Variants in MRE11 observed in about 807,000 individuals in gnomAD.
MRE11 encodes the protein MRE11 double strand break repair nuclease.
A neutral mutation model predicts 91.7 loss-of-function variants in MRE11; 62 were observed. The observed-to-expected ratio is 0.68, with a 90% confidence interval of 0.55 to 0.84. The LOEUF is 0.84. Ranked by LOEUF, MRE11 falls within the 40% of genes least tolerant of loss-of-function variation. MRE11 has a pLI of 0.00. For missense variants in MRE11, 796 were observed against 852.9 expected, an observed-to-expected ratio of 0.93 and a Z score of 0.83; for synonymous variants, 273 against 271.4, an observed-to-expected ratio of 1.01 and a Z score of -0.06.
chr11:94,420,288 G>A, intron 19 of MRE11, 107 bp from the exon 20 acceptor site: 1 of 810,694 alleles, frequency 1.2e-6, no homozygotes, highest in Non-Finnish European at 2.0e-6. Context: ...TTTCACATGG[G>A]ATAGACTTTA....
rs574083847 is a variant in MRE11 at position 94,486,680 on chromosome 11, C to T, written c.154-596G>A. ...ACTCTGGGGTGCACTAGAATGGACA[C>T]GTAAGCAACCAGCAGCAGAGATGAC... On this transcript the variant is annotated intron_variant, in intron 3 of 19. Transcript: ENST00000323929. Among the ~76,000 whole-genome samples the T allele has an allele frequency of 4.7e-4, 72 of 152,240 alleles. 2 individuals are homozygous for T. In the South Asian group the frequency reaches 0.014, roughly 30 times the overall value.
At chr11:94,484,941 G>A (rs1161934916) in intron 4 of MRE11, among the ~76,000 whole-genome samples, 1 of 152,238 alleles carries the variant, frequency 6.6e-6, no homozygotes, top group East Asian at 1.9e-4. Flanking sequence ...GCCAGAAGCG[G>A]TAGCTTGCGT....
chr11:94,474,893 A>T (rs1365162198), intron 7 of MRE11, among the ~76,000 whole-genome samples: 2 of 152,166 alleles, frequency 1.3e-5, no homozygotes, highest in Non-Finnish European at 2.9e-5. Flanking sequence ...AAAAAATGGT[A>T]GACCTGGGAA....
At chr11:94,443,621 T>A (rs1945844866) in intron 16 of MRE11, among the ~76,000 whole-genome samples, 1 of 152,146 alleles carries the variant, frequency 6.6e-6, no homozygotes, top group South Asian at 2.1e-4. Context: ...GCTATTCCCA[T>A]CCATCCCCAT....
chr11:94,472,909 T>C (rs570481849), intron 7 of MRE11: 47 of 152,228 alleles, frequency 3.1e-4, no homozygotes, highest in African/African-American at 1.0e-3. Flanking sequence ...TGTGTAAGTA[T>C]GCACATGTAT....
At chr11:94,426,287 C>A (rs1945311721) in intron 19 of MRE11, among the ~76,000 whole-genome samples, 1 of 151,858 alleles carries the variant, frequency 6.6e-6, no homozygotes, top group African/African-American at 2.4e-5. Context: ...AATAAAAATT[C>A]ATTCATTAAT....
At chr11:94,509,052 C>A in the MRE11 span, among the ~76,000 whole-genome samples, 1 of 152,130 alleles carries the variant, frequency 6.6e-6, no homozygotes. Flanking sequence ...ATTTTAGAAT[C>A]CCCTTGCCAA....
intron 19 of MRE11, among the ~76,000 whole-genome samples, chr11:94,422,057 C>T (rs955062943): frequency 1.3e-5 from 2 of 152,024 alleles, no homozygotes; most frequent in African/African-American, 2.4e-5. Context: ...CTACAATTAA[C>T]AATTTTTTAA....
intron 18 of MRE11, among the ~76,000 whole-genome samples, chr11:94,432,024 AACAACCAAACAAGG>A (rs1467374091): frequency 1.3e-5 from 2 of 152,220 alleles, no homozygotes; most frequent in East Asian, 3.9e-4. Flanking sequence ...CAAAGACAAG[AACAACCAAACAAGG>A]ACTCAGAAAG....
chr11:94,474,595 T>C (rs1203269739), intron 7 of MRE11, among the ~76,000 whole-genome samples: 1 of 152,152 alleles, frequency 6.6e-6, no homozygotes, highest in Non-Finnish European at 1.5e-5. Context: ...GATGCTAAAA[T>C]TAGCGAGTAA....
At chr11:94,482,284 T>C (rs1387463895) in intron 4 of MRE11, among the ~76,000 whole-genome samples, 1 of 152,232 alleles carries the variant, frequency 6.6e-6, no homozygotes, top group Non-Finnish European at 1.5e-5. Context: ...GTAGAGTAGT[T>C]AAGTGACTAA....
chr11:94,508,951 G>A, the MRE11 span, among the ~76,000 whole-genome samples: 402 of 151,966 alleles, frequency 2.6e-3, 2 homozygotes, highest in Middle Eastern at 0.01. Context: ...TAGTAGAGAC[G>A]GGGTTTCACC....
chr11:94,475,306 G>C (rs1258042749), intron 7 of MRE11: 1 of 194,678 alleles, frequency 5.1e-6, no homozygotes, highest in Admixed American at 5.4e-5. Flanking sequence ...AAGTAATCTA[G>C]AGATGATTTA....
Position 94,456,883 on chromosome 11 carries a change from G to C in MRE11, c.1501-545C>G, listed in dbSNP as rs13447681. 4.3e-3 allele frequency among the ~76,000 whole-genome samples: 652 copies of C among 152,194 alleles called. 6 individuals carry two copies. Among genetic ancestry groups the C allele is most frequent in the African/African-American group, 0.015 (622 of 41,510 alleles). On this transcript the variant is annotated intron_variant, in intron 13 of 19. Transcript: ENST00000323929. ...TTTTTTAATGGTTCCTGCTCACAAG[G>C]CTCTTATTATACAGCTATGTATATG... is the stretch of plus-strand genomic sequence containing the variant.
chr11:94,500,838 A>T, the MRE11 span, among the ~76,000 whole-genome samples: 1 of 152,166 alleles, frequency 6.6e-6, no homozygotes, highest in Non-Finnish European at 1.5e-5. Context: ...ATGTTATCTA[A>T]CACTATGCTG....
the MRE11 span, among the ~76,000 whole-genome samples, chr11:94,507,905 G>T: frequency 6.6e-6 from 1 of 151,682 alleles, no homozygotes; most frequent in African/African-American, 2.4e-5. Context: ...ATGCTCTCTC[G>T]GTCTGTGGCT....
At chr11:94,496,558 G>T, upstream of MRE11, 1 of 787,638 alleles carries the variant, frequency 1.3e-6, no homozygotes, top group Non-Finnish European at 2.0e-6. Flanking sequence ...AGTTGATAAA[G>T]CCTGAATTAT....
At chr11:94,507,909 T>G in the MRE11 span, among the ~76,000 whole-genome samples, 5 of 152,194 alleles carry the variant, frequency 3.3e-5, no homozygotes, top group Non-Finnish European at 7.4e-5. Flanking sequence ...TCTCTCGGTC[T>G]GTGGCTTGCC....
intron 16 of MRE11, among the ~76,000 whole-genome samples, chr11:94,445,244 G>C (rs1412334846): frequency 6.6e-6 from 1 of 152,182 alleles, no homozygotes; most frequent in East Asian, 1.9e-4. Flanking sequence ...CCTGTTTCCA[G>C]GGTCTCTCTG....
Sources: allele counts gnomAD v4.1 joint callset (sites outside exome capture counted in the v4.1 genomes callset), GRCh38; gene constraint gnomAD v4.1.1; transcripts MANE v1.5; gene names NCBI Gene and HGNC (gene_info 2026-07-23, HGNC 2026-07-21).